Variants in CCDC192 observed in about 807,000 individuals in gnomAD.
CCDC192 encodes coiled-coil domain-containing protein 192.
At chr5:127,797,766 TATATA>T (rs1561494213) in intron 4 of CCDC192, among the ~76,000 whole-genome samples, 525 of 13,466 alleles carry the variant, frequency 0.039, 5 homozygotes, top group Middle Eastern at 0.17. Flanking sequence ...TATATATATA[TATATA>T]TATATATTTA....
In CCDC192 at chr5:127,780,072, T is replaced by C. The variant is rs575197295; in HGVS notation, c.223-17031T>C. Among the ~76,000 whole-genome samples, 24 of 152,268 alleles carry C rather than the reference T, an allele frequency of 1.6e-4. No homozygotes were observed. In the East Asian group the frequency reaches 4.6e-3, roughly 29 times the overall value. ...GCAAATGCCATTAATTCATTCCTTT[T>C]TATGGCTGAGTAGTATTCCATCATA... is the stretch of plus-strand genomic sequence containing the variant. On this transcript the variant is annotated intron_variant, in intron 3 of 6. Coordinates refer to ENST00000514853, the MANE Select transcript of CCDC192 (RefSeq NM_001317938.2).
chr5:127,717,422 C>A (rs1751683820), intron 2 of CCDC192, among the ~76,000 whole-genome samples: 1 of 151,808 alleles, frequency 6.6e-6, no homozygotes, highest in Non-Finnish European at 1.5e-5. Flanking sequence ...AAATTCTCTG[C>A]AGAAAAAAGC....
intron 3 of CCDC192, among the ~76,000 whole-genome samples, chr5:127,755,869 A>G (rs1754554332): frequency 6.6e-6 from 1 of 152,122 alleles, no homozygotes; most frequent in South Asian, 2.1e-4. Context: ...TTCACTCATA[A>G]AAGTACCCAT....
intron 3 of CCDC192, among the ~76,000 whole-genome samples, chr5:127,790,682 C>T (rs1756819464): frequency 6.6e-6 from 1 of 152,058 alleles, no homozygotes; most frequent in African/African-American, 2.4e-5. Flanking sequence ...TTTTTAGCTC[C>T]CAGATAGAAG....
chr5:127,722,470 C>T (rs557496677), intron 2 of CCDC192, among the ~76,000 whole-genome samples: 1 of 152,154 alleles, frequency 6.6e-6, no homozygotes, highest in South Asian at 2.1e-4. Flanking sequence ...GTCATGTGAT[C>T]CCATTTGTCA....
At chr5:127,787,550 TA>T (rs1756618409) in intron 3 of CCDC192, among the ~76,000 whole-genome samples, 1 of 152,246 alleles carries the variant, frequency 6.6e-6, no homozygotes, top group South Asian at 2.1e-4. Flanking sequence ...TTCCTTCTGT[TA>T]TTGATTTTTA....
intron 6 of CCDC192, among the ~76,000 whole-genome samples, chr5:127,883,613 G>T (rs245237): frequency 6.6e-6 from 1 of 151,958 alleles, no homozygotes; most frequent in Non-Finnish European, 1.5e-5. Flanking sequence ...AGAACTTCCC[G>T]CAAGGATAAG....
intron 3 of CCDC192, among the ~76,000 whole-genome samples, chr5:127,768,702 T>G (rs1335586758): frequency 6.6e-6 from 1 of 152,226 alleles, no homozygotes; most frequent in Non-Finnish European, 1.5e-5. Flanking sequence ...CAAAAGCTAT[T>G]AAAGCCAAAA....
intron 2 of CCDC192, among the ~76,000 whole-genome samples, chr5:127,752,362 G>A (rs1222093027): frequency 1.2e-4 from 18 of 152,176 alleles, no homozygotes; most frequent in South Asian, 4.2e-4. Context: ...GTCTGTTGGA[G>A]TACCCTGCCG....
chr5:127,757,008 G>C (rs528318759), intron 3 of CCDC192, among the ~76,000 whole-genome samples: 1 of 152,222 alleles, frequency 6.6e-6, no homozygotes, highest in East Asian at 1.9e-4. Flanking sequence ...TATTTTTTCA[G>C]TAATATAGCA....
chr5:127,767,534 A>G (rs1755297923), intron 3 of CCDC192, among the ~76,000 whole-genome samples: 1 of 152,166 alleles, frequency 6.6e-6, no homozygotes, highest in South Asian at 2.1e-4. Context: ...TTAGAACCCA[A>G]TATTATTGCT....
chr5:127,777,935 T>C (rs930854119), intron 3 of CCDC192, among the ~76,000 whole-genome samples: 1 of 152,086 alleles, frequency 6.6e-6, no homozygotes, highest in Non-Finnish European at 1.5e-5. Context: ...CTCAGGTATG[T>C]CTTTATTAGC....
chr5:127,795,729 T>G (rs913374742), intron 3 of CCDC192, among the ~76,000 whole-genome samples: 2 of 152,122 alleles, frequency 1.3e-5, no homozygotes, highest in African/African-American at 4.8e-5. Context: ...TACAGGCACC[T>G]GCCACCAAGC....
At chr5:127,797,502 G>T (rs539763881) in intron 4 of CCDC192, among the ~76,000 whole-genome samples, 1 of 151,624 alleles carries the variant, frequency 6.6e-6, no homozygotes, top group Non-Finnish European at 1.5e-5. Context: ...TTTATAAATG[G>T]TATTGACTGT....
intron 3 of CCDC192, among the ~76,000 whole-genome samples, chr5:127,777,818 T>G (rs1192035978): frequency 6.6e-6 from 1 of 152,180 alleles, no homozygotes; most frequent in African/African-American, 2.4e-5. Context: ...ATGTAAGACA[T>G]TCCTTTGCTC....
intron 2 of CCDC192, among the ~76,000 whole-genome samples, chr5:127,741,966 C>T (rs1205510317): frequency 6.6e-6 from 1 of 152,124 alleles, no homozygotes. Context: ...GTTAAATTAA[C>T]CACCAAACTT....
chr5:127,934,559 T>C (rs1340352022), intron 6 of CCDC192, among the ~76,000 whole-genome samples: 2 of 152,186 alleles, frequency 1.3e-5, no homozygotes, highest in Non-Finnish European at 2.9e-5. Flanking sequence ...GATTGGTCTC[T>C]TTACAAGTAA....
chr5:127,716,896 G>T (rs948949680), intron 2 of CCDC192, among the ~76,000 whole-genome samples: 43 of 152,048 alleles, frequency 2.8e-4, no homozygotes, highest in African/African-American at 1.0e-3. Context: ...ACTTTATAGG[G>T]GCCATCTCCA....
chr5:127,900,313 T>G (rs1036608788), intron 6 of CCDC192, among the ~76,000 whole-genome samples: 3 of 152,218 alleles, frequency 2.0e-5, no homozygotes, highest in Admixed American at 6.5e-5. Context: ...CATCCTAAAC[T>G]CAGATGTACA....
Sources: allele counts gnomAD v4.1 joint callset (sites outside exome capture counted in the v4.1 genomes callset), GRCh38; gene constraint gnomAD v4.1.1; transcripts MANE v1.5; gene names NCBI Gene and HGNC (gene_info 2026-07-23, HGNC 2026-07-21).